Variants in AKAP9 observed in about 807,000 individuals in gnomAD.
The protein encoded by AKAP9 is A-kinase anchoring protein 9.
Under a neutral mutation model 488.5 loss-of-function variants are expected in AKAP9, and 311 were observed. The observed-to-expected ratio is 0.64, with a 90% CI of 0.58 to 0.70. The LOEUF (loss-of-function observed/expected upper bound fraction) is 0.70, where lower values mean the gene tolerates loss of function less well. Ranked by LOEUF, AKAP9 falls within the 30% of genes least tolerant of loss-of-function variation. The probability of loss-of-function intolerance (pLI) is 0.00; values close to 1 mark genes in which losing one functional copy is unlikely to be tolerated. For missense variants in AKAP9, 4,215 were observed against 4,374.5 expected (o/e 0.96, Z 1.03); for synonymous variants, 1,462 against 1,483.5 (o/e 0.99, Z 0.33).
intron 15 of AKAP9, among the ~76,000 whole-genome samples, chr7:92,031,310 T>G (rs1457107815): frequency 1.4e-4 from 22 of 152,200 alleles, no homozygotes; most frequent in Admixed American, 1.4e-3. Context: ...ATCTTTAAGT[T>G]CACGGTAGTG....
At chr7:91,992,386 A>G (rs1328381541) in intron 4 of AKAP9, among the ~76,000 whole-genome samples, 175 bp downstream of exon 4, 1 of 152,138 alleles carries the variant, frequency 6.6e-6, no homozygotes, top group Non-Finnish European at 1.5e-5. Context: ...ATTGTAGGCC[A>G]GGCGTGGTGG....
intron 26 of AKAP9, 138 bp downstream of exon 26, chr7:92,066,684 A>C (rs1163089004): frequency 1.8e-6 from 2 of 1,100,164 alleles, no homozygotes; most frequent in Non-Finnish European, 2.7e-6. Context: ...AATATTACTT[A>C]AGCATGAGAA....
chr7:92,056,315 CTGTAGTT>C (rs1327327977), intron 22 of AKAP9, among the ~76,000 whole-genome samples: 1 of 151,896 alleles, frequency 6.6e-6, no homozygotes, highest in African/African-American at 2.4e-5. Flanking sequence ...TCAAAACAAA[CTGTAGTT>C]TGCAGAGGGA....
At chr7:92,049,138 T>C (rs1205585693) in intron 21 of AKAP9, among the ~76,000 whole-genome samples, 1 of 152,164 alleles carries the variant, frequency 6.6e-6, no homozygotes, top group African/African-American at 2.4e-5. Flanking sequence ...AGTTAATAAC[T>C]AAAGGACTTG....
chr7:92,086,679 A>G (rs1814626080), intron 37 of AKAP9, among the ~76,000 whole-genome samples: 1 of 152,192 alleles, frequency 6.6e-6, no homozygotes, highest in African/African-American at 2.4e-5. Context: ...AATTCTCATT[A>G]TTTGCACTGG....
At chr7:92,100,818 C>T (rs1817407585) in intron 44 of AKAP9, 38 bp from the exon 45 acceptor site, 1 of 1,610,922 alleles carries the variant, frequency 6.2e-7, no homozygotes, top group South Asian at 1.1e-5. Flanking sequence ...TCAGACTTTT[C>T]TTCAGAGACT....
At chr7:92,012,837 A>G (rs1003952864) in intron 9 of AKAP9, among the ~76,000 whole-genome samples, 195 bp downstream of exon 9, 11 of 152,188 alleles carry the variant, frequency 7.2e-5, no homozygotes, top group Non-Finnish European at 1.3e-4. Flanking sequence ...GTCACAATCC[A>G]TTGCGAAAGC....
intron 49 of AKAP9, 118 bp downstream of exon 49, chr7:92,108,751 C>G: frequency 8.1e-7 from 1 of 1,240,322 alleles, no homozygotes; most frequent in East Asian, 2.5e-5. Flanking sequence ...AGTGCATGAG[C>G]TAATTATTAA....
chr7:92,082,963 TATTTC>T (rs1432942676), intron 32 of AKAP9, among the ~76,000 whole-genome samples: 1 of 152,120 alleles, frequency 6.6e-6, no homozygotes, highest in African/African-American at 2.4e-5. Context: ...CTAATAAAAT[TATTTC>T]ATTTCTATAG....
intron 21 of AKAP9, among the ~76,000 whole-genome samples, chr7:92,051,667 C>G (rs1003865050): frequency 6.6e-6 from 1 of 152,148 alleles, no homozygotes; most frequent in Non-Finnish European, 1.5e-5. Context: ...AATGTGGCAC[C>G]AGCTACTTTA....
Position 92,096,839 on chromosome 7 carries a change from C to T in AKAP9, c.9880C>T (p.Arg3294Ter), listed in dbSNP as rs145355395. ...YDAQLSEEQG[R>*]NLELQVLLES... ...TGCCCAGTTGTCAGAAGAACAAGGT[C>T]GAAACTTAGAGCTTCAGGTACTTCT... The change falls in exon 41 of 50, where the codon CGA becomes TGA. Residue 3294 changes from arginine (R) to a stop codon, truncating the protein, a stop_gained. Coordinates refer to ENST00000356239, the MANE Select transcript of AKAP9 (RefSeq NM_005751.5). LOFTEE classifies it high-confidence loss of function. 1 of 1,614,072 alleles carries T rather than the reference C, an allele frequency of 6.2e-7. No homozygotes were observed. The highest frequency in any genetic ancestry group is 8.5e-7 in the Non-Finnish European group (1 of 1,180,022).
rs1183671911 is a variant in AKAP9 at position 92,080,039 on chromosome 7, G to A, written c.7906G>A (p.Val2636Ile). The change falls in exon 31 of 50, where the codon GTT becomes ATT. Residue 2636 changes from valine to isoleucine, a missense_variant. Physicochemically the swap from Val to Ile is conservative, Grantham distance 29 (BLOSUM62 3). Coordinates refer to ENST00000356239, the MANE Select transcript of AKAP9 (RefSeq NM_005751.5). ...ACAAGTAGAAATTGCAGAAAAAAAT[G>A]TTTTAGAAAAAGAAAAGAAGCTGCT... is the stretch of plus-strand genomic sequence containing the variant. ...KEQVEIAEKN[V>I]LEKEKKLLEL... 3.8e-6 allele frequency: 6 copies of A among 1,563,252 alleles called. No homozygotes were observed. Among genetic ancestry groups the A allele is most frequent in the Non-Finnish European group, 5.2e-6 (6 of 1,164,320 alleles).
chr7:92,057,656 A>G (rs1355309412), intron 22 of AKAP9: 1 of 210,582 alleles, frequency 4.7e-6, no homozygotes, highest in Admixed American at 5.9e-5. Context: ...AGCAAGAGCA[A>G]GAGAAATAAT....
At chr7:92,018,648 G>C (rs138210265) in intron 12 of AKAP9, among the ~76,000 whole-genome samples, 59 of 152,202 alleles carry the variant, frequency 3.9e-4, no homozygotes, top group African/African-American at 1.3e-3. Flanking sequence ...TTTCTCGACT[G>C]TAGTATTTGC....
intron 3 of AKAP9, among the ~76,000 whole-genome samples, chr7:91,982,543 A>T (rs1796565861): frequency 6.6e-6 from 1 of 152,156 alleles, no homozygotes; most frequent in Non-Finnish European, 1.5e-5. Flanking sequence ...ATGGCTGCAT[A>T]GTATTCCATG....
At chr7:91,953,189 T>G (rs1178690734) in intron 1 of AKAP9, among the ~76,000 whole-genome samples, 11 of 152,200 alleles carry the variant, frequency 7.2e-5, no homozygotes, top group Admixed American at 7.2e-4. Flanking sequence ...ACTTGGTGAC[T>G]GGCTGGATCT....
At chr7:91,947,646 A>G (rs1410458229) in intron 1 of AKAP9, among the ~76,000 whole-genome samples, 1 of 152,152 alleles carries the variant, frequency 6.6e-6, no homozygotes, top group Non-Finnish European at 1.5e-5. Context: ...GGCCGCAAAC[A>G]TTTATTTAAA....
At chr7:92,051,103 A>G (rs1258023813) in intron 21 of AKAP9, among the ~76,000 whole-genome samples, 59 of 152,176 alleles carry the variant, frequency 3.9e-4, no homozygotes, top group African/African-American at 1.4e-3. Context: ...AAAACCCCTA[A>G]GGTTCCTATA....
intron 15 of AKAP9, among the ~76,000 whole-genome samples, chr7:92,030,347 G>A (rs1804009143): frequency 6.6e-6 from 1 of 152,074 alleles, no homozygotes; most frequent in Admixed American, 6.5e-5. Flanking sequence ...GCCATCTCTA[G>A]AAAAGTGTTT....
Sources: gnomAD v4.1 joint callset for allele counts (sites outside exome capture counted in the v4.1 genomes callset) on GRCh38, gnomAD v4.1.1 for gene constraint, MANE v1.5 for transcripts, NCBI Gene and HGNC (gene_info 2026-07-23, HGNC 2026-07-21) for gene names.